CEP350: variants seen among roughly 807,000 people sequenced by gnomAD.
CEP350 encodes the protein centrosome-associated protein 350.
Under a neutral mutation model 331.8 loss-of-function variants are expected in CEP350, and 126 were observed. That is an observed-to-expected ratio of 0.38 (90% CI 0.33 to 0.44). The LOEUF is 0.44. CEP350 is among the 20% of genes least tolerant of loss of function. The pLI, the probability that CEP350 is intolerant of heterozygous loss-of-function variation, is 1.00. For missense variants in CEP350, 3,406 were observed against 3,634.6 expected, an observed-to-expected ratio of 0.94 and a Z score of 1.62; for synonymous variants, 1,200 against 1,259.5, an observed-to-expected ratio of 0.95 and a Z score of 1.00.
chr1:179,961,171 C>T (rs868677961), intron 1 of CEP350, among the ~76,000 whole-genome samples: 1 of 152,254 alleles, frequency 6.6e-6, no homozygotes, highest in East Asian at 1.9e-4. Context: ...CATGGCCAGG[C>T]GCGGTGGCTC....
At chr1:180,041,075 T>C in intron 17 of CEP350, 63 bp from the exon 18 acceptor site, 1 of 1,191,934 alleles carries the variant, frequency 8.4e-7, no homozygotes, top group South Asian at 1.3e-5. Flanking sequence ...ATTGTGTGTG[T>C]TATAGTCACT....
Position 180,012,031 on chromosome 1 carries a change from C to G in CEP350, c.1349C>G (p.Thr450Arg), listed in dbSNP as rs1654693765. 3.8e-6 allele frequency: 6 copies of G among 1,577,340 alleles called. 1 individual carries two copies. Among genetic ancestry groups the G allele is most frequent in the Middle Eastern group, 1.7e-4 (1 of 6,020 alleles). ...APRMEPKEQR[T>R]ASSDRGGRER... ...AGAATGGAGCCAAAAGAGCAAAGAA[C>G]AGCATCAAGTGACAGAGGTGGAAGA... The change falls in exon 9 of 38, where the codon ACA (threonine) becomes AGA (arginine). Residue 450 changes from threonine to arginine, a missense_variant. This residue lies in a region of CEP350 where 1,857 missense variants were observed against 1,909.2 expected (regional missense o/e 0.97). Transcript: ENST00000367607.
At chr1:180,080,018 G>T (rs1336161870) in intron 29 of CEP350, among the ~76,000 whole-genome samples, 1 of 152,166 alleles carries the variant, frequency 6.6e-6, no homozygotes, top group Non-Finnish European at 1.5e-5. Context: ...CAAAGTCACA[G>T]GGATAGGAAG....
rs1444418989 is a variant in CEP350, at chr1:180,022,724, A to G, written c.3262A>G (p.Thr1088Ala). 2 of 1,612,564 alleles carry G rather than the reference A, an allele frequency of 1.2e-6. No homozygotes were observed. Among genetic ancestry groups the G allele is most frequent in the African/African-American group, 1.3e-5 (1 of 75,028 alleles). ...KGFEDKLDRGTSTSRPLNATA... is the reference protein window; with the variant it reads ...KGFEDKLDRGASTSRPLNATA... The stretch of plus-strand genomic sequence containing the variant: ...GTTTGAAGACAAGTTGGACAGAGGA[A>G]CATCAACATCACGGCCTTTGAATGC... The change falls in exon 13 of 38, where the codon ACA becomes GCA. Residue 1088 changes from threonine (T) to alanine (A), a missense_variant. By Grantham distance (58) the Thr-to-Ala change is moderately conservative (BLOSUM62 0). Around this residue, in one of 5 missense-constraint regions of CEP350, gnomAD observed 1,857 missense variants for 1,909.2 expected, o/e 0.97. Coordinates refer to ENST00000367607, the MANE Select transcript of CEP350 (RefSeq NM_014810.5).
At chr1:180,110,290 G>C (rs985974368) in intron 37 of CEP350, among the ~76,000 whole-genome samples, 1 of 152,104 alleles carries the variant, frequency 6.6e-6, no homozygotes, top group Admixed American at 6.5e-5. Context: ...TCAACATCAC[G>C]ATGGTATGAA....
At chr1:180,080,705 C>A in intron 30 of CEP350, 44 bp downstream of exon 30, 1 of 1,551,626 alleles carries the variant, frequency 6.4e-7, no homozygotes, top group Non-Finnish European at 8.9e-7. Flanking sequence ...TGTATTTGAA[C>A]AGCCTTTACT....
intron 37 of CEP350, among the ~76,000 whole-genome samples, chr1:180,102,415 C>T (rs1297590600): frequency 1.3e-5 from 2 of 152,118 alleles, no homozygotes; most frequent in African/African-American, 4.8e-5. Context: ...GGATTACAGG[C>T]GGGAGCCACC....
intron 27 of CEP350, chr1:180,073,864 C>G: frequency 1.5e-6 from 2 of 1,304,794 alleles, no homozygotes; most frequent in Non-Finnish European, 2.0e-6. Context: ...GTTTTCCCAA[C>G]CTTCATCCCA....
chr1:180,023,552 A>G (rs1655476104), intron 13 of CEP350, among the ~76,000 whole-genome samples: 2 of 152,214 alleles, frequency 1.3e-5, no homozygotes, highest in South Asian at 4.1e-4. Flanking sequence ...AACAATAATT[A>G]TAATGATTAT....
At chr1:180,031,677 A>G (rs914820271) in intron 15 of CEP350, among the ~76,000 whole-genome samples, 183 bp downstream of exon 15, 4 of 152,080 alleles carry the variant, frequency 2.6e-5, no homozygotes, top group South Asian at 2.1e-4. Flanking sequence ...CTTTATCTGT[A>G]TATTAGAATA....
At chr1:180,088,557 A>G (rs1415062068) in intron 32 of CEP350, among the ~76,000 whole-genome samples, 1 of 152,192 alleles carries the variant, frequency 6.6e-6, no homozygotes, top group Non-Finnish European at 1.5e-5. Flanking sequence ...TTTGTGTTTT[A>G]CCTTTTAGAA....
At chr1:180,051,479 G>A (rs955034299) in intron 22 of CEP350, among the ~76,000 whole-genome samples, 2 of 152,146 alleles carry the variant, frequency 1.3e-5, no homozygotes, top group African/African-American at 2.4e-5. Flanking sequence ...GAGGATGCAC[G>A]GAGCAACGTT....
At chr1:180,102,222 G>A (rs1160947686) in intron 37 of CEP350, among the ~76,000 whole-genome samples, 3 of 148,896 alleles carry the variant, frequency 2.0e-5, no homozygotes. Flanking sequence ...TACAACCTCC[G>A]CCTCCCGGGT....
intron 36 of CEP350, among the ~76,000 whole-genome samples, chr1:180,097,904 T>C (rs10913928): frequency 0.084 from 12,795 of 152,212 alleles, 830 homozygotes; most frequent in African/African-American, 0.19. Context: ...AATTCAGAGA[T>C]TTATTTTATG....
rs1447529003 is a variant in CEP350, at chr1:180,014,456, A to C, written c.2003A>C (p.Lys668Thr). 5 of 1,609,914 alleles carry C rather than the reference A, an allele frequency of 3.1e-6. No individual in the cohort carries two copies. Among genetic ancestry groups the C allele is most frequent in the Non-Finnish European group, 4.2e-6 (5 of 1,178,472 alleles). ...ACTTACTCCAAATTGCTACTAGAAA[A>C]GACCTTGCTTGAAGAGCCATCTCAT... is the stretch of plus-strand genomic sequence containing the variant. ...QETYSKLLLE[K>T]TLLEEPSHQH... Residue 668 changes from lysine to threonine, a missense_variant, in exon 10 of 38, where the codon AAG (lysine) becomes ACG (threonine). Physicochemically the swap from Lys to Thr is moderately conservative, Grantham distance 78 (BLOSUM62 -1). Around this residue, in one of 5 missense-constraint regions of CEP350, gnomAD observed 1,857 missense variants for 1,909.2 expected, o/e 0.97. Coordinates refer to ENST00000367607, the MANE Select transcript of CEP350 (RefSeq NM_014810.5).
At chr1:179,963,750 A>G (rs1236363365) in intron 1 of CEP350, among the ~76,000 whole-genome samples, 1 of 151,948 alleles carries the variant, frequency 6.6e-6, no homozygotes, top group Non-Finnish European at 1.5e-5. Flanking sequence ...TCCTTGTAGT[A>G]TAGTTTGAAG....
At chr1:180,075,783 C>T (rs986376625) in intron 28 of CEP350, among the ~76,000 whole-genome samples, 3 of 151,692 alleles carry the variant, frequency 2.0e-5, no homozygotes, top group African/African-American at 7.3e-5. Context: ...AGTGAAACCC[C>T]GTCTCTACTA....
chr1:180,109,162 A>C (rs1436124913), intron 37 of CEP350, among the ~76,000 whole-genome samples: 4 of 142,110 alleles, frequency 2.8e-5, no homozygotes, highest in Non-Finnish European at 6.0e-5. Flanking sequence ...TCTGTCGCCT[A>C]GGCTGGAGTG....
chr1:179,977,191 A>G (rs560007872), intron 1 of CEP350, among the ~76,000 whole-genome samples: 71 of 152,308 alleles, frequency 4.7e-4, no homozygotes, highest in African/African-American at 1.7e-3. Flanking sequence ...TTTGTGGATC[A>G]CAGTAGTGGA....
Sources: allele counts gnomAD v4.1 joint callset (sites outside exome capture counted in the v4.1 genomes callset), GRCh38; gene constraint gnomAD v4.1.1; regional missense constraint gnomAD v4.1.1; transcripts MANE v1.5; gene names NCBI Gene and HGNC (gene_info 2026-07-23, HGNC 2026-07-21).